The following KAZN variants were observed in gnomAD, a reference collection of about 807,000 sequenced individuals.
The protein encoded by KAZN is kazrin.
A neutral mutation model predicts 87.4 loss-of-function variants in KAZN; 40 were observed. The ratio of observed to expected loss-of-function variants is 0.46; its 90% CI spans 0.36 to 0.60. The LOEUF (loss-of-function observed/expected upper bound fraction) is 0.60. Among genes scored for constraint, KAZN ranks in the 20% least tolerant of loss-of-function variants. KAZN has a pLI of 0.00. For synonymous variants in KAZN, 466 were observed against 458.3 expected, an observed-to-expected ratio of 1.02 and a Z score of -0.22; for missense variants, 898 against 1,073.9, an observed-to-expected ratio of 0.84 and a Z score of 2.29.
chr1:14,168,002 C>T (rs1043811057), intron 1 of KAZN, among the ~76,000 whole-genome samples: 30 of 152,280 alleles, frequency 2.0e-4, no homozygotes, highest in Non-Finnish European at 2.5e-4. Context: ...CAATGGCAAG[C>T]ACGTCCCATC....
intron 1 of KAZN, among the ~76,000 whole-genome samples, chr1:14,889,671 C>T (rs936271366): frequency 6.6e-6 from 1 of 152,244 alleles, no homozygotes; most frequent in African/African-American, 2.4e-5. Flanking sequence ...CAAACTACAG[C>T]CCACAGGCCA....
chr1:14,014,015 T>C (rs1474965643), intron 1 of KAZN, among the ~76,000 whole-genome samples: 1 of 152,318 alleles, frequency 6.6e-6, no homozygotes, highest in South Asian at 2.1e-4. Context: ...GGGTGTTGCT[T>C]GTCCTTGCAT....
chr1:15,050,626 G>T (rs1191138303), intron 4 of KAZN, among the ~76,000 whole-genome samples: 1 of 152,138 alleles, frequency 6.6e-6, no homozygotes, highest in African/African-American at 2.4e-5. Flanking sequence ...TGCCCCAAAT[G>T]TGCCACCTTC....
At chr1:14,920,212 C>T (rs989528033) in intron 1 of KAZN, among the ~76,000 whole-genome samples, 1 of 151,076 alleles carries the variant, frequency 6.6e-6, no homozygotes, top group Non-Finnish European at 1.5e-5. Context: ...AAGGATGTTC[C>T]TCTGGGAACG....
chr1:14,153,591 A>G (rs1051749706), intron 1 of KAZN, among the ~76,000 whole-genome samples: 7 of 151,540 alleles, frequency 4.6e-5, no homozygotes, highest in African/African-American at 1.5e-4. Context: ...CCTGACCAAC[A>G]TGGAGAAACC....
intron 1 of KAZN, among the ~76,000 whole-genome samples, chr1:14,704,654 G>T (rs6699867): frequency 6.6e-6 from 1 of 152,100 alleles, no homozygotes; most frequent in East Asian, 1.9e-4. Flanking sequence ...AAGTCTCCAC[G>T]TCCTGCATCT....
chr1:14,319,914 C>T (rs1030539916), intron 2 of KAZN, among the ~76,000 whole-genome samples: 4 of 152,114 alleles, frequency 2.6e-5, no homozygotes, highest in African/African-American at 9.7e-5. Context: ...TATCCCCAAC[C>T]CTGACTCATT....
chr1:14,260,963 A>G (rs1650969341), intron 2 of KAZN, among the ~76,000 whole-genome samples: 2 of 152,318 alleles, frequency 1.3e-5, no homozygotes, highest in African/African-American at 4.8e-5. Context: ...TAACACGACA[A>G]TGATACCTGT....
chr1:14,530,527 T>C (rs1672149993), intron 2 of KAZN, among the ~76,000 whole-genome samples: 1 of 152,150 alleles, frequency 6.6e-6, no homozygotes, highest in African/African-American at 2.4e-5. Flanking sequence ...GGCAAATTCC[T>C]CATGAATGCC....
At chr1:14,929,401 C>A (rs777478877) in intron 1 of KAZN, among the ~76,000 whole-genome samples, 1 of 152,140 alleles carries the variant, frequency 6.6e-6, no homozygotes, top group African/African-American at 2.4e-5. Flanking sequence ...TTGTAATACT[C>A]CAGTTGAGTG....
intron 2 of KAZN, among the ~76,000 whole-genome samples, chr1:14,512,223 T>C (rs1670944078): frequency 6.6e-6 from 1 of 152,144 alleles, no homozygotes; most frequent in Admixed American, 6.5e-5. Context: ...TGTGGCCGCA[T>C]GTTAATTTGG....
intron 1 of KAZN, among the ~76,000 whole-genome samples, chr1:14,861,477 A>C (rs537767862): frequency 1.3e-5 from 2 of 152,250 alleles, no homozygotes; most frequent in African/African-American, 2.4e-5. Context: ...TCATTGAGAC[A>C]TAAGGAATGC....
chr1:14,883,360 AAAG>A (rs1653633442), intron 1 of KAZN, among the ~76,000 whole-genome samples: 12 of 43,904 alleles, frequency 2.7e-4, no homozygotes, highest in Admixed American at 7.5e-4. Flanking sequence ...GAAAGAAAAG[AAAG>A]AAAGAAAGAA....
intron 2 of KAZN, among the ~76,000 whole-genome samples, chr1:15,002,029 C>A: frequency 6.6e-6 from 1 of 151,766 alleles, no homozygotes; most frequent in Non-Finnish European, 1.5e-5. Context: ...TACAGGCGCC[C>A]GCCACCACAC....
chr1:14,401,532 T>G (rs937088501), intron 2 of KAZN, among the ~76,000 whole-genome samples: 4 of 152,044 alleles, frequency 2.6e-5, no homozygotes, highest in Non-Finnish European at 4.4e-5. Flanking sequence ...TCTATCAGTA[T>G]AGGTCTGGCA....
At chr1:15,104,554 G>C (rs1641228622) in intron 13 of KAZN, among the ~76,000 whole-genome samples, 2 of 152,202 alleles carry the variant, frequency 1.3e-5, no homozygotes, top group Admixed American at 6.5e-5. Flanking sequence ...AGGTTGAGTT[G>C]GTTGGTCCAG....
chr1:14,577,705 A>G (rs1675276616), intron 2 of KAZN, among the ~76,000 whole-genome samples: 1 of 152,172 alleles, frequency 6.6e-6, no homozygotes, highest in Admixed American at 6.5e-5. Context: ...GGCTCCATTG[A>G]TTGACTTCCA....
At chr1:14,365,156 G>T (rs527736458) in intron 2 of KAZN, among the ~76,000 whole-genome samples, 5 of 151,520 alleles carry the variant, frequency 3.3e-5, no homozygotes, top group Admixed American at 2.0e-4. Context: ...CCATTCTCCC[G>T]CCTCAGCCTC....
intron 1 of KAZN, among the ~76,000 whole-genome samples, chr1:14,072,680 A>G (rs2101562416): frequency 6.6e-6 from 1 of 152,294 alleles, no homozygotes; most frequent in Non-Finnish European, 1.5e-5. Flanking sequence ...ATACTGACCT[A>G]GGTTTGAGTC....
Sources: allele counts gnomAD v4.1 joint callset (sites outside exome capture counted in the v4.1 genomes callset), GRCh38; gene constraint gnomAD v4.1.1; transcripts MANE v1.5; gene names NCBI Gene and HGNC (gene_info 2026-07-23, HGNC 2026-07-21).